Variants in MGAM2 observed in about 807,000 individuals in gnomAD.
MGAM2 encodes the protein maltase-glucoamylase 2 (putative).
A neutral mutation model predicts 96.1 loss-of-function variants in MGAM2; 98 were observed. The ratio of observed to expected loss-of-function variants is 1.02; its 90% confidence interval spans 0.87 to 1.21. MGAM2 has a LOEUF of 1.21. Ranked by LOEUF, MGAM2 falls within the 50% of genes most tolerant of loss-of-function variation. The probability of loss-of-function intolerance (pLI) is 0.00; values close to 1 mark genes in which losing one functional copy is unlikely to be tolerated. For synonymous variants in MGAM2, 749 were observed against 414.8 expected (o/e 1.81, Z -9.79); for missense variants, 2,055 against 1,182.4 (o/e 1.74, Z -10.82).
intron 6 of MGAM2, among the ~76,000 whole-genome samples, chr7:142,133,693 C>T (rs941413782): frequency 6.6e-6 from 1 of 152,102 alleles, no homozygotes; most frequent in Non-Finnish European, 1.5e-5. Context: ...GTTTATAAAA[C>T]ACCCAGAGCG....
chr7:142,154,316 A>G (rs767083431), intron 16 of MGAM2, 127 bp downstream of exon 16: 28 of 479,224 alleles, frequency 5.8e-5, no homozygotes, highest in Non-Finnish European at 1.0e-4. Context: ...GGAAAGATCA[A>G]TTTTTATGTG....
intron 1 of MGAM2, 135 bp from the exon 2 acceptor site, chr7:142,116,739 A>C: frequency 1.6e-6 from 1 of 631,658 alleles, no homozygotes. Flanking sequence ...AATATTCTTT[A>C]GATTATGTAA....
chr7:142,214,958 C>T (rs555934210), intron 46 of MGAM2, among the ~76,000 whole-genome samples: 1 of 152,284 alleles, frequency 6.6e-6, no homozygotes, highest in South Asian at 2.1e-4. Flanking sequence ...TGGGTATATA[C>T]CCAAAGGGTT....
intron 3 of MGAM2, among the ~76,000 whole-genome samples, chr7:142,125,952 C>G (rs1167651928): frequency 6.6e-6 from 1 of 152,138 alleles, no homozygotes; most frequent in African/African-American, 2.4e-5. Context: ...CACCCAGAAT[C>G]AAATCAATGG....
At chr7:142,161,821 G>GA (rs1795895604) in intron 22 of MGAM2, 134 bp from the exon 23 acceptor site, 3 of 487,282 alleles carry the variant, frequency 6.2e-6, no homozygotes, top group African/African-American at 2.0e-5. Flanking sequence ...GCAGAAGTTT[G>GA]AAAAAAATGC....
At chr7:142,210,070 C>T (rs1482816674) in intron 46 of MGAM2, among the ~76,000 whole-genome samples, 3 of 152,150 alleles carry the variant, frequency 2.0e-5, no homozygotes, top group African/African-American at 7.2e-5. Context: ...CGAGGAGAAG[C>T]AGGGTGTGGT....
chr7:142,199,006 G>A (rs1222957705), intron 44 of MGAM2, among the ~76,000 whole-genome samples: 1 of 152,136 alleles, frequency 6.6e-6, no homozygotes, highest in African/African-American at 2.4e-5. Context: ...GCAGAAAAAT[G>A]TTTCTCTTTC....
chr7:142,186,204 C>A, intron 35 of MGAM2, 81 bp downstream of exon 35: 1 of 669,410 alleles, frequency 1.5e-6, no homozygotes, highest in Admixed American at 2.3e-5. Context: ...ACTAGCAAAG[C>A]AGAGACATAG....
chr7:142,220,914 A>G lies in MGAM2; in HGVS notation c.6403A>G (p.Ser2135Gly), dbSNP rs1585233468. The change falls in exon 48 of 48, where the codon AGT becomes GGT. Residue 2135 changes from serine to glycine, a missense_variant. Coordinates refer to ENST00000477922, the MANE Select transcript of MGAM2 (RefSeq NM_001293626.2). The part of the protein sequence containing the change: ...SLTGTTDVST[S>G]TTINNISTPV... ...AACAGGTACTACTGATGTTAGCACT[A>G]GTACTACTATTAATAATATAAGTAC... 3 of 701,808 alleles carry G rather than the reference A, an allele frequency of 4.3e-6. No individual in the cohort carries two copies. The African/African-American group carries it at 5.3e-5, about 12-fold the overall frequency. 43.5% of individuals were successfully genotyped at this position (701,808 alleles called of 1,614,324 possible).
At position 142,208,286 on chromosome 7, in the gene MGAM2, A is replaced by G. The variant is rs141039888; in HGVS notation, c.5138-287A>G. On this transcript the variant is annotated intron_variant, in intron 45 of 47. Transcript: ENST00000477922. ...TTGCTGTCTCGCACAGAATAACCAA[A>G]CAGTAGTCTCCACACTTCAGGTAAT... 1,094 of 549,556 alleles carry G rather than the reference A, an allele frequency of 2.0e-3. 12 individuals are homozygous for G. In the East Asian group the frequency reaches 0.037, roughly 19 times the overall value. The allele number at this position is 549,556 out of a possible 1,614,324, so 34.0% of individuals were successfully genotyped here. A position where few individuals can be genotyped will look rare whatever the true frequency, so the allele number is the denominator to read the frequency against.
chr7:142,113,495 A>G (rs187845397), intron 1 of MGAM2, among the ~76,000 whole-genome samples: 9 of 152,088 alleles, frequency 5.9e-5, no homozygotes, highest in Admixed American at 5.9e-4. Flanking sequence ...GAGAACTAAC[A>G]GAATGAGAGG....
chr7:142,185,998 G>GCTTT lies in MGAM2; in HGVS notation c.3998_3999insTTTC (p.Tyr1334PhefsTer7). ...TGTGTTATTCTTACAGCTTTACAGGGCCTACGTTGCCTTTCCTGACTTCTT... is the reference window on the plus strand; with the variant it reads ...TGTGTTATTCTTACAGCTTTACAGGGCTTTCCTACGTTGCCTTTCCTGACTTCTT... On this transcript the variant is annotated frameshift_variant, in exon 35 of 48. Transcript: ENST00000477922. LOFTEE classifies it high-confidence loss of function. 1.4e-6 allele frequency: 1 copy of GCTTT among 703,318 alleles called. No individual in the cohort carries two copies. Among genetic ancestry groups the GCTTT allele is most frequent in the Non-Finnish European group, 2.6e-6 (1 of 385,008 alleles). 43.6% of individuals were successfully genotyped at this position (703,318 alleles called of 1,614,324 possible). A position where few individuals can be genotyped will look rare whatever the true frequency, so the allele number is the denominator to read the frequency against.
At chr7:142,177,563 C>A (rs1022499552) in intron 32 of MGAM2, among the ~76,000 whole-genome samples, 7 of 152,130 alleles carry the variant, frequency 4.6e-5, no homozygotes, top group Non-Finnish European at 8.8e-5. Flanking sequence ...GTTATTCCCA[C>A]CTTTATATCT....
At chr7:142,130,825 T>C in intron 3 of MGAM2, 123 bp from the exon 4 acceptor site, 1 of 589,010 alleles carries the variant, frequency 1.7e-6, no homozygotes, top group Non-Finnish European at 3.0e-6. Flanking sequence ...ACAAATAAAT[T>C]AATGAATGTA....
intron 45 of MGAM2, among the ~76,000 whole-genome samples, chr7:142,207,582 C>G (rs550303410): frequency 6.6e-6 from 1 of 151,962 alleles, no homozygotes; most frequent in African/African-American, 2.4e-5. Flanking sequence ...CCCACCACCA[C>G]GCCCGGCTAA....
At chr7:142,138,693 C>T (rs904713156) in intron 10 of MGAM2, 26 bp downstream of exon 10, 2 of 680,816 alleles carry the variant, frequency 2.9e-6, no homozygotes, top group Non-Finnish European at 5.3e-6. Flanking sequence ...TTTTACCATG[C>T]AGTTGACACC....
At chr7:142,130,167 A>C (rs566392226) in intron 3 of MGAM2, among the ~76,000 whole-genome samples, 1 of 152,180 alleles carries the variant, frequency 6.6e-6, no homozygotes, top group Non-Finnish European at 1.5e-5. Flanking sequence ...AGAAAGAACC[A>C]CATGTGATTT....
rs550487754 is a variant in MGAM2 at position 142,155,414 on chromosome 7, A to G, written c.1923+569A>G. On this transcript the variant is annotated intron_variant, in intron 17 of 47. Transcript: ENST00000477922. ...CAAAGTCCCCCCTAAGGAGGTGTTT[A>G]TGATGGTAGCAGAAGCAAGTAGGGT... Among the ~76,000 whole-genome samples the G allele has an allele frequency of 1.3e-3, 194 of 152,326 alleles. 1 individual carries two copies. The Middle Eastern group carries it at 0.017, about 13-fold the overall frequency.
rs944205936 is a variant in MGAM2, at chr7:142,148,262, C to A, written c.1634+689C>A. Among the ~76,000 whole-genome samples, 1 of 151,454 alleles carries A rather than the reference C, an allele frequency of 6.6e-6. No individual in the cohort carries two copies. The highest frequency in any genetic ancestry group is 1.5e-5 in the Non-Finnish European group (1 of 67,828). ...CCACCACCACAGTTATCACCACCAT[C>A]CCCCCCACCACCACAATCACTATCA... is the stretch of plus-strand genomic sequence containing the variant. On this transcript the variant is annotated intron_variant, in intron 15 of 47. Transcript: ENST00000477922. The surrounding 1 kb of genome is among the most constrained non-coding windows in gnomAD (Gnocchi z 4.2).
Sources: allele counts gnomAD v4.1 joint callset (sites outside exome capture counted in the v4.1 genomes callset), GRCh38; gene constraint gnomAD v4.1.1; non-coding constraint Gnocchi (gnomAD v3.1); transcripts MANE v1.5; gene names NCBI Gene and HGNC (gene_info 2026-07-23, HGNC 2026-07-21).